Variants in ELAC2 observed in about 807,000 individuals in gnomAD.
ELAC2 encodes elaC ribonuclease Z 2, also known as zinc phosphodiesterase ELAC protein 2.
A neutral mutation model predicts 105.2 loss-of-function variants in ELAC2; 92 were observed. That is an observed-to-expected ratio of 0.87 (90% confidence interval 0.74 to 1.04). The LOEUF is 1.04. ELAC2 is among the 50% of genes least tolerant of loss of function. The pLI is 0.00. For missense variants in ELAC2, 1,099 were observed against 1,071.7 expected (o/e 1.03, Z -0.36); for synonymous variants, 468 against 409.1 (o/e 1.14, Z -1.74).
In ELAC2 at chr17:12,994,835, A is replaced by G; in HGVS notation, c.1958T>C (p.Leu653Pro). The G allele has an allele frequency of 6.2e-7, 1 of 1,614,076 alleles. No homozygotes were observed. The highest frequency in any genetic ancestry group is 8.5e-7 in the Non-Finnish European group (1 of 1,180,046). The change falls in exon 21 of 24, where the codon CTG becomes CCG. Residue 653 changes from leucine (L) to proline (P), a missense_variant. By Grantham distance (98) the Leu-to-Pro change is moderately conservative (BLOSUM62 -3). Transcript: ENST00000338034. ...RHCKHAFGCA[L>P]VHTSGWKVVY... is the part of the protein sequence containing the mutation. Reference sequence around the variant, plus strand: ...CACTTTCCAGCCAGAGGTGTGCACCAGCGCACAGCCAAACGCATGCTTGCA... The same window carrying G: ...CACTTTCCAGCCAGAGGTGTGCACCGGCGCACAGCCAAACGCATGCTTGCA...
At chr17:12,999,146 TAAG>T (rs2040629159) in intron 15 of ELAC2, among the ~76,000 whole-genome samples, 1 of 152,216 alleles carries the variant, frequency 6.6e-6, no homozygotes, top group Admixed American at 6.5e-5. Flanking sequence ...ACCAAAAGGC[TAAG>T]AAGAACAAAT....
At chr17:13,013,380 A>C in intron 5 of ELAC2, 105 bp from the exon 6 acceptor site, 1 of 1,216,298 alleles carries the variant, frequency 8.2e-7, no homozygotes, top group Non-Finnish European at 1.2e-6. Context: ...CCTCAGAATT[A>C]TGGTGGGAAT....
chr17:12,994,817 C>T lies in ELAC2; in HGVS notation c.1976G>A (p.Trp659Ter), dbSNP rs768740191. 2 of 1,614,086 alleles carry T rather than the reference C, an allele frequency of 1.2e-6. No individual in the cohort carries two copies. Among genetic ancestry groups the T allele is most frequent in the Non-Finnish European group, 1.7e-6 (2 of 1,180,052 alleles). ...GGTGTCCCCGGAATAGACCACTTTC[C>T]AGCCAGAGGTGTGCACCAGCGCACA... ...FGCALVHTSG[W>*]KVVYSGDTMP... The change falls in exon 21 of 24, where the codon TGG (tryptophan) becomes TAG (stop). Residue 659 changes from tryptophan to a stop codon, truncating the protein, a stop_gained. Transcript: ENST00000338034. LOFTEE classifies it high-confidence loss of function.
At chr17:13,010,008 A>AAAAAAAAAG (rs2041327700) in intron 8 of ELAC2, among the ~76,000 whole-genome samples, 1 of 151,174 alleles carries the variant, frequency 6.6e-6, no homozygotes, top group African/African-American at 2.4e-5. Context: ...AAAAAAAAAA[A>AAAAAAAAAG]TGTACGGAGG....
At chr17:12,999,815 C>T (rs1373895615) in intron 15 of ELAC2, among the ~76,000 whole-genome samples, 2 of 152,170 alleles carry the variant, frequency 1.3e-5, no homozygotes, top group Non-Finnish European at 2.9e-5. Flanking sequence ...CCCGCCGCCA[C>T]GCCCAGCTAA....
chr17:13,007,323 CTTT>C (rs1351987393), intron 8 of ELAC2, among the ~76,000 whole-genome samples: 1 of 152,128 alleles, frequency 6.6e-6, no homozygotes, highest in Non-Finnish European at 1.5e-5. Flanking sequence ...TGTGCATCTT[CTTT>C]TAACTCTCTG....
At chr17:13,000,482 G>A (rs1010205951) in intron 14 of ELAC2, 33 of 614,648 alleles carry the variant, frequency 5.4e-5, no homozygotes, top group Non-Finnish European at 8.0e-5. Context: ...GCCAGTCAAC[G>A]GGGAACTACT....
At position 13,016,978 on chromosome 17, in the gene ELAC2, G is replaced by A. The variant is rs1411785370; in HGVS notation, c.297-46C>T. 7 of 1,612,914 alleles carry A rather than the reference G, an allele frequency of 4.3e-6. No individual in the cohort carries two copies. The South Asian group carries it at 5.5e-5, about 13-fold the overall frequency. On this transcript the variant is annotated intron_variant, in intron 2 of 23. Transcript: ENST00000338034. Reference sequence around the variant, plus strand: ...AAACAGGATAACATGAACAGAACAAGGACCACTTTTGCTATAAAAAACAAC... The same window carrying A: ...AAACAGGATAACATGAACAGAACAAAGACCACTTTTGCTATAAAAAACAAC...
intron 14 of ELAC2, among the ~76,000 whole-genome samples, chr17:13,001,239 T>C (rs1316273050): frequency 1.3e-5 from 2 of 152,202 alleles, no homozygotes; most frequent in Non-Finnish European, 2.9e-5. Flanking sequence ...ACGCCTGTAA[T>C]CCCAACACTT....
intron 15 of ELAC2, among the ~76,000 whole-genome samples, chr17:12,998,946 T>G (rs189119195): frequency 3.9e-5 from 6 of 152,328 alleles, no homozygotes; most frequent in Admixed American, 3.3e-4. Context: ...AACCGTGAAC[T>G]AAATACACCT....
At chr17:12,993,609 C>A in intron 23 of ELAC2, 78 bp downstream of exon 23, 1 of 1,601,958 alleles carries the variant, frequency 6.2e-7, no homozygotes, top group Non-Finnish European at 8.5e-7. Context: ...CAAACTCCAG[C>A]TGACCGTCCT....
At chr17:13,017,594 G>A in intron 1 of ELAC2, 109 bp downstream of exon 1, 1 of 1,565,066 alleles carries the variant, frequency 6.4e-7, no homozygotes, top group South Asian at 1.2e-5. Flanking sequence ...CCGCAACAGT[G>A]AACCACATGT....
chr17:13,016,957 A>G, intron 2 of ELAC2, 25 bp from the exon 3 acceptor site: 2 of 1,613,772 alleles, frequency 1.2e-6, no homozygotes, highest in South Asian at 1.1e-5. Flanking sequence ...ACATTTAAAC[A>G]GGATAACATG....
intron 7 of ELAC2, 52 bp from the exon 8 acceptor site, chr17:13,010,723 A>T: frequency 6.7e-7 from 1 of 1,492,914 alleles, no homozygotes; most frequent in Non-Finnish European, 9.3e-7. Context: ...AGCTGTGAAG[A>T]CATCACAGAC....
intron 2 of ELAC2, 59 bp downstream of exon 2, chr17:13,017,012 C>G (rs2041769741): frequency 6.2e-7 from 1 of 1,612,522 alleles, no homozygotes; most frequent in Non-Finnish European, 8.5e-7. Flanking sequence ...ACTGGCCTCT[C>G]ATTTCGGCTT....
chr17:13,017,126 A>G lies in ELAC2; in HGVS notation c.246-5T>C. ...TCTCCACAGTTGAAGAGATACCTAC[A>G]AGACAAACATTACACAAGACATTCA... On this transcript the variant is annotated splice_polypyrimidine_tract_variant and splice_region_variant and intron_variant, in intron 1 of 23. Transcript: ENST00000338034. 6.2e-7 allele frequency: 1 copy of G among 1,613,624 alleles called. No homozygotes were observed. Among genetic ancestry groups the G allele is most frequent in the South Asian group, 1.1e-5 (1 of 91,068 alleles).
rs748947739 is a variant in ELAC2 at position 13,005,968 on chromosome 17, C to T, written c.750G>A (p.Lys250=). 1.2e-6 allele frequency: 2 copies of T among 1,614,022 alleles called. No individual in the cohort carries two copies. The highest frequency in any genetic ancestry group is 1.7e-5 in the Admixed American group (1 of 60,002). The change falls in exon 9 of 24, where the codon AAG becomes AAA. Residue 250 remains lysine (K), a synonymous_variant. Transcript: ENST00000338034. ...VVAFICKLHL[K]RGNFLVLKAK... ...CTTTGAGCACCAAGAAGTTTCCTCTCTTTAAGTGAAGCTGCAACAAAGAGA... is the reference window on the plus strand; with the variant it reads ...CTTTGAGCACCAAGAAGTTTCCTCTTTTTAAGTGAAGCTGCAACAAAGAGA...
At chr17:13,012,520 G>A (rs1247533077) in intron 6 of ELAC2, among the ~76,000 whole-genome samples, 1 of 152,176 alleles carries the variant, frequency 6.6e-6, no homozygotes. Flanking sequence ...TCTCCTCCCT[G>A]CTGCCTTCTG....
At chr17:13,005,523 G>A (rs113466366) in intron 10 of ELAC2, among the ~76,000 whole-genome samples, 90 of 152,282 alleles carry the variant, frequency 5.9e-4, no homozygotes, top group African/African-American at 2.1e-3. Flanking sequence ...CTTTAAGGAG[G>A]ACGGTGACTA....
Sources: allele counts gnomAD v4.1 joint callset (sites outside exome capture counted in the v4.1 genomes callset), GRCh38; gene constraint gnomAD v4.1.1; transcripts MANE v1.5; gene names NCBI Gene and HGNC (gene_info 2026-07-23, HGNC 2026-07-21).